Variants in MAP3K4 observed in about 807,000 individuals in gnomAD.
MAP3K4 encodes the protein mitogen-activated protein kinase kinase kinase 4.
In MAP3K4, 67 loss-of-function variants were observed where a neutral mutation model predicts 185.6. That is an observed-to-expected ratio of 0.36 (90% CI 0.30 to 0.44). The LOEUF (loss-of-function observed/expected upper bound fraction) is 0.44, where lower values mean the gene tolerates loss of function less well. MAP3K4 is among the 20% of genes least tolerant of loss of function. The pLI, the probability that MAP3K4 is intolerant of heterozygous loss-of-function variation, is 1.00. For missense variants in MAP3K4, 1,551 were observed against 1,995.1 expected, an observed-to-expected ratio of 0.78 and a Z score of 4.24; for synonymous variants, 702 against 710.4, an observed-to-expected ratio of 0.99 and a Z score of 0.19.
chr6:161,051,422 A>G lies in MAP3K4; in HGVS notation c.1707+1443A>G, dbSNP rs931147608. Among the ~76,000 whole-genome samples the G allele has an allele frequency of 6.6e-6, 1 of 152,230 alleles. No homozygotes were observed. On this transcript the variant is annotated intron_variant, in intron 3 of 26. Coordinates refer to ENST00000392142, the MANE Select transcript of MAP3K4 (RefSeq NM_005922.4). The surrounding 1 kb of genome is among the most constrained non-coding windows in gnomAD (Gnocchi z 4.2). ...TAAGCATTCACATAAATTCAGGAAG[A>G]TGTTTACAACATGAACCAGTGCTTT...
rs907090531 is a variant in MAP3K4 at position 161,007,781 on chromosome 6, T to C, written c.152+15698T>C. ...TAGATATTGAGCTTTTAGAGAGTAATGTTTCATCAAACATAAAAGGCTGTC... is the reference window on the plus strand; with the variant it reads ...TAGATATTGAGCTTTTAGAGAGTAACGTTTCATCAAACATAAAAGGCTGTC... On this transcript the variant is annotated intron_variant, in intron 1 of 26. Coordinates refer to ENST00000392142, the MANE Select transcript of MAP3K4 (RefSeq NM_005922.4). The surrounding 1 kb of genome is among the most constrained non-coding windows in gnomAD (Gnocchi z 4.5). Among the ~76,000 whole-genome samples the C allele has an allele frequency of 3.9e-5, 6 of 152,214 alleles. No individual in the cohort carries two copies. The highest frequency in any genetic ancestry group is 2.1e-4 in the South Asian group (1 of 4,836).
rs1197036505 is a variant in MAP3K4, at chr6:161,080,866, T to C, written c.2098-15T>C. On this transcript the variant is annotated splice_polypyrimidine_tract_variant and intron_variant, in intron 5 of 26. Transcript: ENST00000392142. This position sits in a 1 kb window ranked among gnomAD's most constrained non-coding sequence, Gnocchi z 4.8. ...TCTACTTTCAAATGTCTCCCTTTAC[T>C]TTTTGTGTTTTAAGGTGTATTTTGA... 4 of 1,612,244 alleles carry C rather than the reference T, an allele frequency of 2.5e-6. No homozygotes were observed. The highest frequency in any genetic ancestry group is 3.4e-6 in the Non-Finnish European group (4 of 1,178,968).
chr6:161,023,243 A>G (rs1241641015), intron 1 of MAP3K4, among the ~76,000 whole-genome samples: 1 of 152,220 alleles, frequency 6.6e-6, no homozygotes, highest in Non-Finnish European at 1.5e-5. Context: ...TTTTAGAAGG[A>G]AACTTTATCA....
chr6:161,095,987 A>G lies in MAP3K4; in HGVS notation c.3428-1093A>G, dbSNP rs1046023907. Among the ~76,000 whole-genome samples the G allele has an allele frequency of 9.2e-5, 14 of 152,262 alleles. No individual in the cohort carries two copies. The Middle Eastern group carries it at 0.014, about 148-fold the overall frequency. On this transcript the variant is annotated intron_variant, in intron 15 of 26. Coordinates refer to ENST00000392142, the MANE Select transcript of MAP3K4 (RefSeq NM_005922.4). Reference sequence around the variant, plus strand: ...TAGTTCCCAGTATCTTTGCTCAATTAAAGACTCACCAAATCTTTTGTTTTT... The same window carrying G: ...TAGTTCCCAGTATCTTTGCTCAATTGAAGACTCACCAAATCTTTTGTTTTT...
chr6:161,099,523 AC>A (rs1777733833), intron 17 of MAP3K4, among the ~76,000 whole-genome samples: 1 of 152,246 alleles, frequency 6.6e-6, no homozygotes, highest in Admixed American at 6.5e-5. Flanking sequence ...CCTAGTTTTT[AC>A]GTTTAGAGCT....
At position 161,064,695 on chromosome 6, in the gene MAP3K4, C is replaced by G. The variant is rs1220862793; in HGVS notation, c.1708-5913C>G. Among the ~76,000 whole-genome samples the G allele has an allele frequency of 6.6e-6, 1 of 152,108 alleles. No homozygotes were observed. The highest frequency in any genetic ancestry group is 2.4e-5 in the African/African-American group (1 of 41,426). On this transcript the variant is annotated intron_variant, in intron 3 of 26. Transcript: ENST00000392142. This position sits in a 1 kb window ranked among gnomAD's most constrained non-coding sequence, Gnocchi z 4.3. ...TTGTCAAATCCACACAACATGACAT[C>G]AGAATTATTATTGTAATTACATTGC... is the stretch of plus-strand genomic sequence containing the variant.
rs1469622738 is a variant in MAP3K4 at position 161,106,304 on chromosome 6, T to C, written c.3857-210T>C. 1.1e-4 allele frequency among the ~76,000 whole-genome samples: 17 copies of C among 152,224 alleles called. No individual in the cohort carries two copies. Among genetic ancestry groups the C allele is most frequent in the Admixed American group, 1.1e-3 (17 of 15,284 alleles). On this transcript the variant is annotated intron_variant, in intron 19 of 26. Transcript: ENST00000392142. The surrounding 1 kb of genome is among the most constrained non-coding windows in gnomAD (Gnocchi z 4.9). ...AAATCATTTTTGTGTGACTAGCTTATATTTTATGTGTGTACTGTATAAGGG... is the reference window on the plus strand; with the variant it reads ...AAATCATTTTTGTGTGACTAGCTTACATTTTATGTGTGTACTGTATAAGGG...
chr6:161,102,662 C>A, intron 18 of MAP3K4, 37 bp from the exon 19 acceptor site: 2 of 1,339,212 alleles, frequency 1.5e-6, no homozygotes, highest in Non-Finnish European at 1.0e-6. Flanking sequence ...ATATTTATTT[C>A]ATAAATCTTA....
At chr6:161,052,511 A>G (rs980425661) in intron 3 of MAP3K4, among the ~76,000 whole-genome samples, 7 of 152,356 alleles carry the variant, frequency 4.6e-5, no homozygotes, top group African/African-American at 1.7e-4. Context: ...AAAATGAACT[A>G]CAGAAGCCCC....
chr6:161,052,823 A>G (rs1784065893), intron 3 of MAP3K4, among the ~76,000 whole-genome samples: 1 of 152,094 alleles, frequency 6.6e-6, no homozygotes, highest in Non-Finnish European at 1.5e-5. Flanking sequence ...TATGTCAGGA[A>G]AAGAGTCACA....
Position 161,056,473 on chromosome 6 carries a change from T to C in MAP3K4, c.1707+6494T>C, listed in dbSNP as rs1245251209. Among the ~76,000 whole-genome samples the C allele has an allele frequency of 6.6e-6, 1 of 152,224 alleles. No individual in the cohort carries two copies. Among genetic ancestry groups the C allele is most frequent in the Non-Finnish European group, 1.5e-5 (1 of 68,046 alleles). ...ATAATCATGAGTTCATACTGATGTC[T>C]TTCGCTCTGATTCAGCACAAGGTTC... On this transcript the variant is annotated intron_variant, in intron 3 of 26. Transcript: ENST00000392142. The surrounding 1 kb of genome is among the most constrained non-coding windows in gnomAD (Gnocchi z 5.4).
Position 161,106,405 on chromosome 6 carries a change from T to A in MAP3K4, c.3857-109T>A. ...GTTTATCTGAATAGATAATAAGCTT[T>A]GCTGTAATGGAGTGCTAATATATAT... On this transcript the variant is annotated intron_variant, in intron 19 of 26. Transcript: ENST00000392142. The surrounding 1 kb of genome is among the most constrained non-coding windows in gnomAD (Gnocchi z 4.9). 1 of 700,816 alleles carries A rather than the reference T, an allele frequency of 1.4e-6. No homozygotes were observed. Among genetic ancestry groups the A allele is most frequent in the Non-Finnish European group, 2.3e-6 (1 of 427,778 alleles). The allele number at this position is 700,816 out of a possible 1,614,324, so 43.4% of individuals were successfully genotyped here.
chr6:161,086,264 C>T lies in MAP3K4; in HGVS notation c.2373-115C>T, dbSNP rs982681832. 3.5e-6 allele frequency: 2 copies of T among 566,100 alleles called. No individual in the cohort carries two copies. The highest frequency in any genetic ancestry group is 6.2e-6 in the Non-Finnish European group (2 of 322,206). 35.1% of individuals were successfully genotyped at this position (566,100 alleles called of 1,614,324 possible). The stretch of plus-strand genomic sequence containing the variant: ...AGTTTGTTCCCATTTAAAAAATCCT[C>T]AGTCTTTATTTATTACTGTGATTTG... On this transcript the variant is annotated intron_variant, in intron 7 of 26. Coordinates refer to ENST00000392142, the MANE Select transcript of MAP3K4 (RefSeq NM_005922.4). The surrounding 1 kb of genome is among the most constrained non-coding windows in gnomAD (Gnocchi z 4.8).
intron 15 of MAP3K4, among the ~76,000 whole-genome samples, chr6:161,094,290 A>G (rs1259093394): frequency 6.6e-6 from 1 of 152,172 alleles, no homozygotes; most frequent in Non-Finnish European, 1.5e-5. Flanking sequence ...CAGCTTTCCC[A>G]AGTACCCATC....
chr6:161,101,364 G>C lies in MAP3K4; in HGVS notation c.3675-528G>C, dbSNP rs2314376. ...TTTGGAATCTTTTGGACCATGAAATGATTTTAGTACTTTAAATGTAATTAA... is the reference window on the plus strand; with the variant it reads ...TTTGGAATCTTTTGGACCATGAAATCATTTTAGTACTTTAAATGTAATTAA... On this transcript the variant is annotated intron_variant, in intron 17 of 26. Coordinates refer to ENST00000392142, the MANE Select transcript of MAP3K4 (RefSeq NM_005922.4). The surrounding 1 kb of genome is among the most constrained non-coding windows in gnomAD (Gnocchi z 5.1). The C allele has an allele frequency of 0.72, 109,449 of 152,056 alleles. 41,365 individuals are homozygous for C. Among genetic ancestry groups the C allele is most frequent in the East Asian group, 0.97 (5,029 of 5,184 alleles). 9.4% of individuals were successfully genotyped at this position (152,056 alleles called of 1,614,324 possible). A position where few individuals can be genotyped will look rare whatever the true frequency, so the allele number is the denominator to read the frequency against.
chr6:161,082,003 A>G lies in MAP3K4; in HGVS notation c.2255+965A>G, dbSNP rs1317504664. 1.3e-5 allele frequency among the ~76,000 whole-genome samples: 2 copies of G among 151,434 alleles called. No individual in the cohort carries two copies. The highest frequency in any genetic ancestry group is 2.9e-5 in the Non-Finnish European group (2 of 67,882). ...GTCAGCGTGACTTCTGCAGGACTCT[A>G]GCTTTAGCTTTGTTCTTGACTCTGC... On this transcript the variant is annotated intron_variant, in intron 6 of 26. Transcript: ENST00000392142. The surrounding 1 kb of genome is among the most constrained non-coding windows in gnomAD (Gnocchi z 4.2).
At position 161,034,141 on chromosome 6, in the gene MAP3K4, T is replaced by C. The variant is rs1161949653; in HGVS notation, c.153-118T>C. The C allele has an allele frequency of 1.1e-5, 8 of 758,024 alleles. No individual in the cohort carries two copies. Among genetic ancestry groups the C allele is most frequent in the Admixed American group, 5.8e-5 (2 of 34,768 alleles). 47.0% of individuals were successfully genotyped at this position (758,024 alleles called of 1,614,324 possible). On this transcript the variant is annotated intron_variant, in intron 1 of 26. Transcript: ENST00000392142. The surrounding 1 kb of genome is among the most constrained non-coding windows in gnomAD (Gnocchi z 4.4). ...CAGGTAAAAATGAGGAGGAGCACAGTGCTGAAGAGATTTTTCTGTACAAAA... is the reference window on the plus strand; with the variant it reads ...CAGGTAAAAATGAGGAGGAGCACAGCGCTGAAGAGATTTTTCTGTACAAAA...
At chr6:161,102,662 C>T (rs1234106428) in intron 18 of MAP3K4, 37 bp from the exon 19 acceptor site, 1 of 1,339,218 alleles carries the variant, frequency 7.5e-7, no homozygotes, top group Non-Finnish European at 1.0e-6. Flanking sequence ...ATATTTATTT[C>T]ATAAATCTTA....
intron 1 of MAP3K4, among the ~76,000 whole-genome samples, chr6:161,013,190 T>C (rs1028946060): frequency 5.3e-5 from 8 of 152,372 alleles, no homozygotes; most frequent in African/African-American, 1.7e-4. Flanking sequence ...AACTGTTTGC[T>C]AATTTCCTAG....
Sources: allele counts gnomAD v4.1 joint callset (sites outside exome capture counted in the v4.1 genomes callset), GRCh38; gene constraint gnomAD v4.1.1; non-coding constraint Gnocchi (gnomAD v3.1); transcripts MANE v1.5; gene names NCBI Gene and HGNC (gene_info 2026-07-23, HGNC 2026-07-21).